Variants in DUSP10 observed in about 807,000 individuals in gnomAD.
DUSP10 encodes the protein dual specificity phosphatase 10.
Under a neutral mutation model 30.8 loss-of-function variants are expected in DUSP10, and 14 were observed. The observed-to-expected ratio is 0.46, with a 90% confidence interval of 0.30 to 0.71. DUSP10 has a LOEUF of 0.71. Among genes scored for constraint, DUSP10 ranks in the 30% least tolerant of loss-of-function variants. The probability of loss-of-function intolerance (pLI) is 0.08; values close to 1 mark genes in which losing one functional copy is unlikely to be tolerated. For missense variants in DUSP10, 550 were observed against 619.4 expected (o/e 0.89, Z 1.19); for synonymous variants, 254 against 250.4 (o/e 1.01, Z -0.14).
chr1:221,709,309 G>C (rs1266976622), intron 2 of DUSP10, among the ~76,000 whole-genome samples: 1 of 150,526 alleles, frequency 6.6e-6, no homozygotes, highest in Non-Finnish European at 1.5e-5. Context: ...TTGCCTAATG[G>C]GGGGAAAAAA....
chr1:221,740,330 A>C (rs1037155180), intron 1 of DUSP10, among the ~76,000 whole-genome samples: 2 of 152,260 alleles, frequency 1.3e-5, no homozygotes, highest in African/African-American at 4.8e-5. Flanking sequence ...ACTTTCTGCA[A>C]ATCCCCTTAA....
intron 2 of DUSP10, among the ~76,000 whole-genome samples, chr1:221,727,745 C>A (rs184688223): frequency 3.1e-4 from 47 of 152,240 alleles, no homozygotes; most frequent in African/African-American, 1.1e-3. Flanking sequence ...AAATTGATTA[C>A]TTTTATATTT....
chr1:221,725,575 T>C (rs61820084), intron 2 of DUSP10, among the ~76,000 whole-genome samples: 8,974 of 152,234 alleles, frequency 0.059, 434 homozygotes, highest in Non-Finnish European at 0.081. Flanking sequence ...ACTCAACCAA[T>C]TCACATATTT....
intron 2 of DUSP10, among the ~76,000 whole-genome samples, chr1:221,730,735 A>C (rs1315564528): frequency 6.6e-6 from 1 of 152,082 alleles, no homozygotes; most frequent in Non-Finnish European, 1.5e-5. Flanking sequence ...ATACGCTCAA[A>C]GTTTCTTTTC....
chr1:221,709,722 A>C (rs1660878697), intron 2 of DUSP10, among the ~76,000 whole-genome samples: 1 of 152,090 alleles, frequency 6.6e-6, no homozygotes, highest in Admixed American at 6.6e-5. Context: ...AGTCTGCAGG[A>C]AGGATTGTTT....
chr1:221,707,579 A>C (rs2102615838), intron 2 of DUSP10, among the ~76,000 whole-genome samples: 1 of 152,228 alleles, frequency 6.6e-6, no homozygotes, highest in Non-Finnish European at 1.5e-5. Context: ...GTGCAATCTC[A>C]CTTTTGGGAA....
At position 221,739,005 on chromosome 1, in the gene DUSP10, A is replaced by G. The variant is rs1661862420; in HGVS notation, c.740T>C (p.Met247Thr). Reference protein sequence around the residue: ...DENTNEPSRVMPSQPLHIVLE... With the variant: ...DENTNEPSRVTPSQPLHIVLE... ...GACTATGTGAAGTGGCTGGGAGGGC[A>G]TCACTCGGCTTGGTTCATTGGTATT... The change falls in exon 2 of 4, where the codon ATG becomes ACG. Residue 247 changes from methionine to threonine, a missense_variant. Physicochemically the swap from Met to Thr is moderately conservative, Grantham distance 81. Coordinates refer to ENST00000366899, the MANE Select transcript of DUSP10 (RefSeq NM_007207.6). 6.2e-7 allele frequency: 1 copy of G among 1,614,190 alleles called. No individual in the cohort carries two copies. The highest frequency in any genetic ancestry group is 1.7e-5 in the Admixed American group (1 of 60,020).
In DUSP10 at chr1:221,704,060, C is replaced by T. The variant is rs935964572; in HGVS notation, c.1184-1383G>A. On this transcript the variant is annotated intron_variant, in intron 3 of 3. Coordinates refer to ENST00000366899, the MANE Select transcript of DUSP10 (RefSeq NM_007207.6). ...GCTTCTGAGTGCCTGGCTGGACCAC[C>T]GGTTCCACTACACACACTTGATTCA... is the stretch of plus-strand genomic sequence containing the variant. Among the ~76,000 whole-genome samples, 6 of 151,348 alleles carry T rather than the reference C, an allele frequency of 4.0e-5. No homozygotes were observed. The East Asian group carries it at 5.9e-4, about 15-fold the overall frequency.
intron 2 of DUSP10, among the ~76,000 whole-genome samples, chr1:221,722,423 C>T (rs999645985): frequency 6.6e-6 from 1 of 152,190 alleles, no homozygotes; most frequent in African/African-American, 2.4e-5. Flanking sequence ...AGAACACTGC[C>T]TCATAGTTAT....
chr1:221,738,208 CT>C (rs1661836993), intron 2 of DUSP10, among the ~76,000 whole-genome samples: 1 of 152,196 alleles, frequency 6.6e-6, no homozygotes, highest in Admixed American at 6.5e-5. Context: ...ATTCAGTATA[CT>C]GGGGCAAGTG....
At chr1:221,724,968 C>T (rs1209675036) in intron 2 of DUSP10, among the ~76,000 whole-genome samples, 3 of 152,184 alleles carry the variant, frequency 2.0e-5, no homozygotes, top group African/African-American at 4.8e-5. Flanking sequence ...GTAGCCACGA[C>T]AATAGCTTTG....
At chr1:221,718,095 G>T (rs911555233) in intron 2 of DUSP10, among the ~76,000 whole-genome samples, 1 of 150,012 alleles carries the variant, frequency 6.7e-6, no homozygotes, top group African/African-American at 2.5e-5. Context: ...TCAGAATGGG[G>T]GTGGCAGGGT....
At chr1:221,715,174 A>G (rs1452777211) in intron 2 of DUSP10, among the ~76,000 whole-genome samples, 1 of 152,240 alleles carries the variant, frequency 6.6e-6, no homozygotes, top group East Asian at 1.9e-4. Flanking sequence ...ATTTTAAAAA[A>G]TTATTGCCCA....
chr1:221,731,795 G>T (rs1230322818), intron 2 of DUSP10, among the ~76,000 whole-genome samples: 1 of 151,664 alleles, frequency 6.6e-6, no homozygotes, highest in Non-Finnish European at 1.5e-5. Flanking sequence ...TTTTAGTAGA[G>T]ACGGGGTTTC....
chr1:221,702,344 C>T lies in DUSP10; in HGVS notation c.*68G>A, dbSNP rs1022997962. On this transcript the variant is annotated 3_prime_UTR_variant, in exon 4 of 4. Transcript: ENST00000366899. The surrounding 1 kb of genome is among the most constrained non-coding windows in gnomAD (Gnocchi z 4.5). ...CAAAAAAAAAAAGAAAGAAAAAAAACCAGAATCCATCCTCCTTCCTCATTG... is the reference window on the plus strand; with the variant it reads ...CAAAAAAAAAAAGAAAGAAAAAAAATCAGAATCCATCCTCCTTCCTCATTG... The T allele has an allele frequency of 6.6e-7, 1 of 1,519,066 alleles. No homozygotes were observed. The highest frequency in any genetic ancestry group is 8.8e-7 in the Non-Finnish European group (1 of 1,130,806). The allele number at this position is 1,519,066 out of a possible 1,614,324, so 94.1% of individuals were successfully genotyped here.
In DUSP10 at chr1:221,739,632, C is replaced by T. The variant is rs1458776735; in HGVS notation, c.113G>A (p.Gly38Asp). 6.2e-6 allele frequency: 10 copies of T among 1,614,154 alleles called. No homozygotes were observed. The highest frequency in any genetic ancestry group is 8.5e-6 in the Non-Finnish European group (10 of 1,180,014). Reference protein sequence around the residue: ...DSSYLGSANPGSNSHPPVIAT... With the variant: ...DSSYLGSANPDSNSHPPVIAT... ...GATGACAGGAGGGTGGCTGTTACTG[C>T]CTGGGTTGGCAGAGCCAAGGTAACT... The change falls in exon 2 of 4, where the codon GGC (glycine) becomes GAC (aspartate). Residue 38 changes from glycine to aspartate, a missense_variant. Transcript: ENST00000366899.
At chr1:221,733,687 G>C (rs954894443) in intron 2 of DUSP10, among the ~76,000 whole-genome samples, 1 of 152,202 alleles carries the variant, frequency 6.6e-6, no homozygotes, top group Non-Finnish European at 1.5e-5. Flanking sequence ...TTTCAACCTA[G>C]GATGCTGGAG....
intron 2 of DUSP10, among the ~76,000 whole-genome samples, chr1:221,713,952 T>C (rs1474825179): frequency 6.6e-6 from 1 of 152,210 alleles, no homozygotes; most frequent in Non-Finnish European, 1.5e-5. Context: ...TGATAAATGA[T>C]AGGCTGAAAT....
intron 2 of DUSP10, among the ~76,000 whole-genome samples, chr1:221,736,203 A>G (rs1333208734): frequency 1.3e-5 from 2 of 152,162 alleles, no homozygotes; most frequent in Admixed American, 1.3e-4. Context: ...AAAAATGGAG[A>G]GTATGGCATG....
Sources: gnomAD v4.1 joint callset for allele counts (sites outside exome capture counted in the v4.1 genomes callset) on GRCh38, gnomAD v4.1.1 for gene constraint, Gnocchi (gnomAD v3.1) non-coding constraint, MANE v1.5 for transcripts, NCBI Gene and HGNC (gene_info 2026-07-23, HGNC 2026-07-21) for gene names.